DLC1: variants seen among roughly 807,000 people sequenced by gnomAD.
DLC1 encodes the protein rho GTPase-activating protein 7.
Under a neutral mutation model 140.3 loss-of-function variants are expected in DLC1, and 54 were observed. The observed-to-expected ratio is 0.38, with a 90% CI of 0.31 to 0.48. The LOEUF (loss-of-function observed/expected upper bound fraction) is 0.48, where lower values mean the gene tolerates loss of function less well. DLC1 is among the 20% of genes least tolerant of loss of function. The probability of loss-of-function intolerance (pLI) is 0.96; values close to 1 mark genes in which losing one functional copy is unlikely to be tolerated. For synonymous variants in DLC1, 986 were observed against 728.1 expected, an observed-to-expected ratio of 1.35 and a Z score of -5.70; for missense variants, 2,536 against 1,907.0, an observed-to-expected ratio of 1.33 and a Z score of -6.14.
At chr8:13,166,608 G>C (rs1214036330) in intron 5 of DLC1, among the ~76,000 whole-genome samples, 1 of 152,184 alleles carries the variant, frequency 6.6e-6, no homozygotes, top group Admixed American at 6.5e-5. Flanking sequence ...GCTGGAATTA[G>C]AGGCATAAGC....
intron 5 of DLC1, among the ~76,000 whole-genome samples, chr8:13,234,986 C>G (rs1829214931): frequency 6.6e-6 from 1 of 152,044 alleles, no homozygotes; most frequent in African/African-American, 2.4e-5. Flanking sequence ...GGGCCTGTAG[C>G]CCTGACTAGC....
chr8:13,432,277 C>G (rs1585097639), intron 2 of DLC1, among the ~76,000 whole-genome samples: 1 of 152,234 alleles, frequency 6.6e-6, no homozygotes, highest in East Asian at 1.9e-4. Flanking sequence ...ATGGAAAATA[C>G]TAATGAAAGA....
Position 13,499,751 on chromosome 8 carries a change from T to C in DLC1, c.321A>G (p.Leu107=), listed in dbSNP as rs756251571. ...TGTTATCCTCATCAGAAACATGCAC[T>C]AGTGTTTCTGTGCTGGCTTCCAGAG... ...FLSLEASTET[L]VHVSDEDNNA... The change falls in exon 2 of 18, where the codon CTA becomes CTG. Residue 107 remains leucine, a synonymous_variant. Transcript: ENST00000276297. 6.2e-7 allele frequency: 1 copy of C among 1,614,078 alleles called. No individual in the cohort carries two copies. Among genetic ancestry groups the C allele is most frequent in the Non-Finnish European group, 8.5e-7 (1 of 1,179,972 alleles).
intron 5 of DLC1, among the ~76,000 whole-genome samples, chr8:13,268,387 T>A (rs1214939449): frequency 6.6e-6 from 1 of 152,084 alleles, no homozygotes; most frequent in African/African-American, 2.4e-5. Flanking sequence ...CGATCTCGGC[T>A]CACTGCAAGC....
intron 5 of DLC1, among the ~76,000 whole-genome samples, chr8:13,206,847 A>G (rs562240947): frequency 1.3e-5 from 2 of 152,032 alleles, no homozygotes; most frequent in African/African-American, 4.8e-5. Context: ...CGAACAGCAC[A>G]TGACTTACTA....
rs866429632 is a variant in DLC1 at position 13,436,385 on chromosome 8, C to T, written c.1024-34766G>A. On this transcript the variant is annotated intron_variant, in intron 2 of 17. Coordinates refer to ENST00000276297, the MANE Select transcript of DLC1 (RefSeq NM_182643.3). ...ATGACATCATATCAAATTTTACTGTCCAGTATTCAATTACCTATCAAGAGT... is the reference window on the plus strand; with the variant it reads ...ATGACATCATATCAAATTTTACTGTTCAGTATTCAATTACCTATCAAGAGT... Among the ~76,000 whole-genome samples the T allele has an allele frequency of 7.2e-5, 11 of 152,290 alleles. No homozygotes were observed. The Middle Eastern group carries it at 0.01, about 141-fold the overall frequency.
At chr8:13,505,895 TTACATTAG>T (rs1802036744) in intron 1 of DLC1, among the ~76,000 whole-genome samples, 1 of 152,182 alleles carries the variant, frequency 6.6e-6, no homozygotes, top group African/African-American at 2.4e-5. Context: ...ATAAATAGCA[TTACATTAG>T]TACATGCACA....
At chr8:13,407,050 A>C (rs900920155) in intron 2 of DLC1, among the ~76,000 whole-genome samples, 1 of 152,220 alleles carries the variant, frequency 6.6e-6, no homozygotes, top group Admixed American at 6.5e-5. Context: ...AGAAATTTCC[A>C]CTTGTGTCTC....
chr8:13,525,727 C>G (rs1260629776), intron 1 of DLC1, among the ~76,000 whole-genome samples: 1 of 152,118 alleles, frequency 6.6e-6, no homozygotes, highest in Non-Finnish European at 1.5e-5. Context: ...AGCTCTTTAT[C>G]ATGTAGGTGA....
intron 5 of DLC1, among the ~76,000 whole-genome samples, chr8:13,184,394 G>T (rs185992674): frequency 2.8e-4 from 42 of 152,222 alleles, no homozygotes; most frequent in African/African-American, 9.6e-4. Flanking sequence ...TGATGTTACG[G>T]TGTCAATTTT....
chr8:13,462,204 C>G (rs1310466603), intron 2 of DLC1, among the ~76,000 whole-genome samples: 1 of 152,048 alleles, frequency 6.6e-6, no homozygotes, highest in Non-Finnish European at 1.5e-5. Flanking sequence ...AAATTCTATC[C>G]AAACTCATTC....
At position 13,497,698 on chromosome 8, in the gene DLC1, G is replaced by A. The variant is rs530229920; in HGVS notation, c.1023+1351C>T. On this transcript the variant is annotated intron_variant, in intron 2 of 17. Transcript: ENST00000276297. Reference sequence around the variant, plus strand: ...GCTATGCCATAGGTCAGTTAATACTGTCTTATGTCATTACAGCATTCCCTC... The same window carrying A: ...GCTATGCCATAGGTCAGTTAATACTATCTTATGTCATTACAGCATTCCCTC... Among the ~76,000 whole-genome samples, 98 of 152,252 alleles carry A rather than the reference G, an allele frequency of 6.4e-4. 1 individual carries two copies. Among genetic ancestry groups the A allele is most frequent in the African/African-American group, 2.3e-3 (96 of 41,550 alleles).
At chr8:13,249,735 C>A (rs937341937) in intron 5 of DLC1, among the ~76,000 whole-genome samples, 1 of 152,144 alleles carries the variant, frequency 6.6e-6, no homozygotes, top group Non-Finnish European at 1.5e-5. Flanking sequence ...CAACCCAAAC[C>A]AAAATCACAA....
chr8:13,141,026 G>A (rs183096206), intron 5 of DLC1, among the ~76,000 whole-genome samples: 103 of 152,146 alleles, frequency 6.8e-4, no homozygotes, highest in African/African-American at 2.2e-3. Context: ...AGGCCGAGGC[G>A]TGTGGATCAC....
chr8:13,475,129 T>A (rs955288655), intron 2 of DLC1, among the ~76,000 whole-genome samples: 6 of 147,542 alleles, frequency 4.1e-5, no homozygotes, highest in African/African-American at 1.2e-4. Context: ...CATTTTTTTT[T>A]AATAAGCCAA....
chr8:13,575,630 C>A (rs1464851850), intron 1 of DLC1, among the ~76,000 whole-genome samples: 2 of 152,016 alleles, frequency 1.3e-5, no homozygotes, highest in Non-Finnish European at 2.9e-5. Context: ...ACAATTTATC[C>A]CTGTTGCTTG....
At chr8:13,354,871 C>G (rs550323960) in intron 4 of DLC1, among the ~76,000 whole-genome samples, 29 of 150,538 alleles carry the variant, frequency 1.9e-4, no homozygotes, top group Admixed American at 1.5e-3. Flanking sequence ...ATTGCTTGAG[C>G]CTGGGATACT....
In DLC1 at chr8:13,191,747, T is replaced by C. The variant is rs370856234; in HGVS notation, c.1349-76090A>G. Among the ~76,000 whole-genome samples the C allele has an allele frequency of 2.2e-4, 34 of 152,248 alleles. 1 individual carries two copies. The East Asian group carries it at 4.6e-3, about 21-fold the overall frequency. The stretch of plus-strand genomic sequence containing the variant: ...AAACCTAGGATTCTGTTTTTCCTGG[T>C]GTCCAGGCTGTGTGTGACTGTGGCC... On this transcript the variant is annotated intron_variant, in intron 5 of 17. Transcript: ENST00000276297.
At chr8:13,209,401 T>C (rs1827830250) in intron 5 of DLC1, among the ~76,000 whole-genome samples, 3 of 152,106 alleles carry the variant, frequency 2.0e-5, no homozygotes, top group Non-Finnish European at 4.4e-5. Flanking sequence ...GATACGGACA[T>C]AGGAAAAGTA....
Sources: allele counts gnomAD v4.1 joint callset (sites outside exome capture counted in the v4.1 genomes callset), GRCh38; gene constraint gnomAD v4.1.1; transcripts MANE v1.5; gene names NCBI Gene and HGNC (gene_info 2026-07-23, HGNC 2026-07-21).